The following PIK3AP1 variants were observed in gnomAD, a reference collection of about 807,000 sequenced individuals.
The protein encoded by PIK3AP1 is phosphoinositide-3-kinase adaptor protein 1.
In PIK3AP1, 21 loss-of-function variants were observed where a neutral mutation model predicts 88.1. That is an observed-to-expected ratio of 0.24 (90% confidence interval 0.17 to 0.34). The LOEUF is 0.34. Among genes scored for constraint, PIK3AP1 ranks in the 10% least tolerant of loss-of-function variants. The probability of loss-of-function intolerance (pLI) is 1.00; values close to 1 mark genes in which losing one functional copy is unlikely to be tolerated. For missense variants in PIK3AP1, 828 were observed against 1,035.7 expected (o/e 0.80, Z 2.75); for synonymous variants, 398 against 400.0 (o/e 1.00, Z 0.06).
chr10:96,593,467 C>G lies in PIK3AP1; in HGVS notation c.*2110G>C, dbSNP rs1848705974. ...GCTTTACCATGTTACGATCTAAATGCTTGTTCATCAGAGAATGTACAAAAT... is the reference window on the plus strand; with the variant it reads ...GCTTTACCATGTTACGATCTAAATGGTTGTTCATCAGAGAATGTACAAAAT... On this transcript the variant is annotated 3_prime_UTR_variant, in exon 17 of 17. Transcript: ENST00000339364. The G allele has an allele frequency of 6.6e-6, 1 of 152,240 alleles. No individual in the cohort carries two copies. The highest frequency in any genetic ancestry group is 2.4e-5 in the African/African-American group (1 of 41,464). 9.4% of individuals were successfully genotyped at this position (152,240 alleles called of 1,614,324 possible).
At chr10:96,638,660 C>A (rs1589505830) in intron 8 of PIK3AP1, among the ~76,000 whole-genome samples, 1 of 152,380 alleles carries the variant, frequency 6.6e-6, no homozygotes, top group South Asian at 2.1e-4. Flanking sequence ...CAAAGACCCT[C>A]TGCCATGCAG....
At chr10:96,632,100 T>C (rs966273881) in intron 8 of PIK3AP1, among the ~76,000 whole-genome samples, 1 of 152,098 alleles carries the variant, frequency 6.6e-6, no homozygotes, top group Non-Finnish European at 1.5e-5. Flanking sequence ...TCAGTGCTCT[T>C]CAAAAGTATC....
intron 8 of PIK3AP1, among the ~76,000 whole-genome samples, chr10:96,629,105 A>G (rs1363224517): frequency 2.0e-5 from 3 of 151,736 alleles, no homozygotes; most frequent in Admixed American, 2.0e-4. Context: ...ACAATGGAAC[A>G]TTATGTAACA....
At chr10:96,670,909 C>T (rs570366824) in intron 2 of PIK3AP1, among the ~76,000 whole-genome samples, 5 of 152,280 alleles carry the variant, frequency 3.3e-5, no homozygotes, top group South Asian at 4.1e-4. Context: ...ATAACACAAA[C>T]GAGTGGCTAA....
chr10:96,705,884 GTTTTTTTTTTTTTT>G (rs964917515), intron 2 of PIK3AP1, among the ~76,000 whole-genome samples: 9 of 60,968 alleles, frequency 1.5e-4, no homozygotes, highest in Non-Finnish European at 2.5e-4. Context: ...CCAGCCAGTT[GTTTTTTTTTTTTTT>G]TTTTTTTTTT....
chr10:96,709,228 G>T (rs905025965), intron 2 of PIK3AP1, among the ~76,000 whole-genome samples: 4 of 151,328 alleles, frequency 2.6e-5, no homozygotes, highest in Non-Finnish European at 5.9e-5. Context: ...GGGCAGTCTT[G>T]TTCCTCACAC....
chr10:96,665,437 C>CCTTG (rs1173954554), intron 2 of PIK3AP1, among the ~76,000 whole-genome samples: 2 of 152,158 alleles, frequency 1.3e-5, no homozygotes, highest in Non-Finnish European at 2.9e-5. Context: ...CTGTCCAGGT[C>CCTTG]CTTGGTCTTG....
chr10:96,593,319 C>T lies in PIK3AP1; in HGVS notation c.*2258G>A, dbSNP rs969051389. 3 of 152,220 alleles carry T rather than the reference C, an allele frequency of 2.0e-5. No homozygotes were observed. Among genetic ancestry groups the T allele is most frequent in the African/African-American group, 7.2e-5 (3 of 41,460 alleles). 9.4% of individuals were successfully genotyped at this position (152,220 alleles called of 1,614,324 possible). ...ACATTCACGAGACAAGGCTTCTCAT[C>T]AGCAATTTCAATTTTATGTTTTCTA... is the stretch of plus-strand genomic sequence containing the variant. On this transcript the variant is annotated 3_prime_UTR_variant, in exon 17 of 17. Transcript: ENST00000339364.
intron 2 of PIK3AP1, among the ~76,000 whole-genome samples, chr10:96,663,416 G>C (rs1054163695): frequency 6.6e-6 from 1 of 151,856 alleles, no homozygotes. Context: ...GATCACCTGA[G>C]GTCAGGAGTT....
At chr10:96,699,160 G>A (rs191832221) in intron 2 of PIK3AP1, among the ~76,000 whole-genome samples, 459 of 152,208 alleles carry the variant, frequency 3.0e-3, no homozygotes, top group African/African-American at 3.9e-3. Flanking sequence ...CTCCAGCCTG[G>A]GAAACAAGGG....
At chr10:96,599,188 G>T (rs562981699) in intron 16 of PIK3AP1, among the ~76,000 whole-genome samples, 4 of 152,272 alleles carry the variant, frequency 2.6e-5, no homozygotes, top group East Asian at 1.9e-4. Context: ...GAGCTGTGAG[G>T]GGGGCAGGGA....
chr10:96,717,074 A>C (rs1191721567), intron 1 of PIK3AP1, among the ~76,000 whole-genome samples: 1 of 152,092 alleles, frequency 6.6e-6, no homozygotes, highest in Non-Finnish European at 1.5e-5. Context: ...CCAGCCTGGC[A>C]TGGTGAAACC....
chr10:96,643,058 G>A (rs1051382469), intron 8 of PIK3AP1, among the ~76,000 whole-genome samples: 3 of 152,090 alleles, frequency 2.0e-5, no homozygotes, highest in African/African-American at 7.2e-5. Context: ...CCACTTCCCC[G>A]CCTGTATCTC....
At chr10:96,707,103 T>A (rs1039308990) in intron 2 of PIK3AP1, among the ~76,000 whole-genome samples, 1 of 152,206 alleles carries the variant, frequency 6.6e-6, no homozygotes, top group Non-Finnish European at 1.5e-5. Context: ...AGGAGCACCC[T>A]GTAAATGAGT....
At chr10:96,637,318 A>AAT (rs1434609497) in intron 8 of PIK3AP1, among the ~76,000 whole-genome samples, 1 of 78,244 alleles carries the variant, frequency 1.3e-5, no homozygotes, top group East Asian at 5.0e-4. Context: ...ATACAATCAC[A>AAT]CACACACACA....
chr10:96,634,051 C>A (rs1843281383), intron 8 of PIK3AP1, among the ~76,000 whole-genome samples: 1 of 152,152 alleles, frequency 6.6e-6, no homozygotes, highest in African/African-American at 2.4e-5. Flanking sequence ...TGCCCATTTG[C>A]CTTACACTTC....
intron 8 of PIK3AP1, among the ~76,000 whole-genome samples, chr10:96,641,015 A>C (rs1843378947): frequency 6.6e-6 from 1 of 151,962 alleles, no homozygotes; most frequent in Non-Finnish European, 1.5e-5. Flanking sequence ...AGCAAAGCTG[A>C]AGGTTTGATA....
intron 12 of PIK3AP1, among the ~76,000 whole-genome samples, chr10:96,619,813 G>C (rs927623101): frequency 6.6e-6 from 1 of 152,220 alleles, no homozygotes; most frequent in African/African-American, 2.4e-5. Context: ...GCCGTTTCCA[G>C]ATCTTTGTCC....
chr10:96,627,057 C>T, intron 9 of PIK3AP1, 152 bp from the exon 10 acceptor site: 1 of 696,792 alleles, frequency 1.4e-6, no homozygotes, highest in Non-Finnish European at 2.5e-6. Context: ...ATCGTCTGCT[C>T]AGAACACCAC....
Sources: gnomAD v4.1 joint callset for allele counts (sites outside exome capture counted in the v4.1 genomes callset) on GRCh38, gnomAD v4.1.1 for gene constraint, MANE v1.5 for transcripts, NCBI Gene and HGNC (gene_info 2026-07-23, HGNC 2026-07-21) for gene names.